The following VPS37C variants were observed in gnomAD, a reference collection of about 807,000 sequenced individuals.
VPS37C encodes vacuolar protein sorting-associated protein 37C.
VPS37C carries 9 observed loss-of-function variants against 16.1 expected under a neutral mutation model. The observed-to-expected ratio is 0.56, with a 90% CI of 0.34 to 0.97. The LOEUF is 0.97. Among genes scored for constraint, VPS37C ranks in the 50% least tolerant of loss-of-function variants. The pLI is 0.02. For missense variants in VPS37C, 479 were observed against 472.7 expected (o/e 1.01, Z -0.12); for synonymous variants, 207 against 206.4 (o/e 1.00, Z -0.02).
chr11:61,158,287 T>C (rs143436865), intron 1 of VPS37C, among the ~76,000 whole-genome samples: 3 of 152,312 alleles, frequency 2.0e-5, no homozygotes, highest in Non-Finnish European at 4.4e-5. Context: ...CAATCAGAAG[T>C]GTCAATGTCC....
chr11:61,151,051 T>G (rs1331562780), intron 1 of VPS37C, among the ~76,000 whole-genome samples: 2 of 152,212 alleles, frequency 1.3e-5, no homozygotes, highest in African/African-American at 4.8e-5. Context: ...GTTCTGTGCC[T>G]GCCCACAGTT....
At chr11:61,133,809 T>C (rs191173711) in intron 3 of VPS37C, among the ~76,000 whole-genome samples, 39 of 152,334 alleles carry the variant, frequency 2.6e-4, no homozygotes, top group Admixed American at 1.8e-3. Flanking sequence ...GCTGTCTCAA[T>C]TCAAATCCCA....
rs1286169596 is a variant in VPS37C, at chr11:61,131,320, G to A, written c.*500C>T. ...GTTCTCTCCCTCCAATCCAACCCCT[G>A]CCACAGTGCATGGGCAGGCTAGCCT... On this transcript the variant is annotated 3_prime_UTR_variant, in exon 5 of 5. Transcript: ENST00000301765. The A allele has an allele frequency of 6.3e-6, 1 of 157,646 alleles. No individual in the cohort carries two copies. Among genetic ancestry groups the A allele is most frequent in the Non-Finnish European group, 1.4e-5 (1 of 72,108 alleles). 9.8% of individuals were successfully genotyped at this position (157,646 alleles called of 1,614,324 possible). A position where few individuals can be genotyped will look rare whatever the true frequency, so the allele number is the denominator to read the frequency against.
intron 1 of VPS37C, among the ~76,000 whole-genome samples, chr11:61,150,757 G>A (rs1395995031): frequency 6.6e-6 from 1 of 151,618 alleles, no homozygotes; most frequent in Non-Finnish European, 1.5e-5. Context: ...CCCTCCCCTG[G>A]TCCCCTCCTC....
intron 3 of VPS37C, among the ~76,000 whole-genome samples, chr11:61,133,688 C>T (rs920356461): frequency 6.6e-6 from 1 of 152,214 alleles, no homozygotes; most frequent in South Asian, 2.1e-4. Context: ...ACCCTCCCAC[C>T]TTCAAAGGTG....
At chr11:61,147,882 T>C (rs1380850681) in intron 1 of VPS37C, among the ~76,000 whole-genome samples, 1 of 152,140 alleles carries the variant, frequency 6.6e-6, no homozygotes, top group Non-Finnish European at 1.5e-5. Context: ...TGTGCAGACA[T>C]GGAATTTGAA....
In VPS37C at chr11:61,132,142, T is replaced by G; in HGVS notation, c.746A>C (p.Gln249Pro). 3 of 1,448,970 alleles carry G rather than the reference T, an allele frequency of 2.1e-6. No individual in the cohort carries two copies. The highest frequency in any genetic ancestry group is 2.7e-6 in the Non-Finnish European group (3 of 1,097,876). The allele number at this position is 1,448,970 out of a possible 1,614,324, so 89.8% of individuals were successfully genotyped here. A position where few individuals can be genotyped will look rare whatever the true frequency, so the allele number is the denominator to read the frequency against. ...GPLGPTYPAA[Q>P]LGPRGAAGYS... ...ACCCGCAGCACCCCTGGGTCCAAGC[T>G]GGGCTGCCGGGTAAGTGGGGCCCAG... Residue 249 changes from glutamine (Q) to proline (P), a missense_variant, in exon 5 of 5, where the codon CAG (glutamine) becomes CCG (proline). Gln to Pro is a moderately conservative substitution (Grantham distance 76). Transcript: ENST00000301765.
chr11:61,144,376 CAG>C (rs921404278), intron 1 of VPS37C: 2 of 152,218 alleles, frequency 1.3e-5, no homozygotes, highest in East Asian at 3.8e-4. Flanking sequence ...TGGGGGAACT[CAG>C]GGGGAGGCAA....
At chr11:61,160,619 A>G (rs1463688138) in intron 1 of VPS37C, among the ~76,000 whole-genome samples, 1 of 152,174 alleles carries the variant, frequency 6.6e-6, no homozygotes, top group Non-Finnish European at 1.5e-5. Flanking sequence ...GTAGCTGGGA[A>G]AGCACTGCCT....
intron 1 of VPS37C, among the ~76,000 whole-genome samples, chr11:61,155,293 G>C (rs1039207598): frequency 6.6e-6 from 1 of 152,022 alleles, no homozygotes; most frequent in Admixed American, 6.6e-5. Flanking sequence ...AGACCAGCCT[G>C]AGCAACATAG....
At chr11:61,138,614 A>T (rs1228199469) in intron 2 of VPS37C, 123 bp downstream of exon 2, 1 of 833,720 alleles carries the variant, frequency 1.2e-6, no homozygotes, top group African/African-American at 1.7e-5. Context: ...AACCAGGATG[A>T]AGTTCACAGA....
At chr11:61,134,595 C>T (rs1438804924) in intron 2 of VPS37C, among the ~76,000 whole-genome samples, 1 of 152,176 alleles carries the variant, frequency 6.6e-6, no homozygotes, top group African/African-American at 2.4e-5. Flanking sequence ...TTACTTATCC[C>T]CAAGCTTCAG....
intron 2 of VPS37C, among the ~76,000 whole-genome samples, chr11:61,136,161 A>ATTTTT (rs34085615): frequency 9.1e-6 from 1 of 109,376 alleles, no homozygotes; most frequent in Non-Finnish European, 1.8e-5. Context: ...TTAATTACAC[A>ATTTTT]TTTTTTTTTT....
intron 1 of VPS37C, among the ~76,000 whole-genome samples, chr11:61,148,609 A>G (rs550145744): frequency 6.6e-6 from 1 of 150,594 alleles, no homozygotes; most frequent in East Asian, 2.0e-4. Flanking sequence ...CAAATCATCA[A>G]GTTCTTCTCA....
Position 61,152,810 on chromosome 11 carries a change from G to A in VPS37C, c.-7+8581C>T, listed in dbSNP as rs145101760. ...AGGAATTCGCAGCACAGGCTTCTCC[G>A]CCTTTGCTCTTGCTCTCCACTCTGC... On this transcript the variant is annotated intron_variant, in intron 1 of 4. Coordinates refer to ENST00000301765, the MANE Select transcript of VPS37C (RefSeq NM_017966.5). 2.2e-3 allele frequency among the ~76,000 whole-genome samples: 333 copies of A among 152,278 alleles called. 2 individuals are homozygous for A. The highest frequency in any genetic ancestry group is 3.7e-3 in the Non-Finnish European group (249 of 68,018).
In VPS37C at chr11:61,161,404, C is replaced by G. The variant is rs934903268; in HGVS notation, c.-20G>C. The G allele has an allele frequency of 1.9e-5, 3 of 154,812 alleles. No homozygotes were observed. Among genetic ancestry groups the G allele is most frequent in the African/African-American group, 7.2e-5 (3 of 41,454 alleles). The allele number at this position is 154,812 out of a possible 1,614,324, so 9.6% of individuals were successfully genotyped here. ...GTCTCCGCTCACCTGCCAGGGCCGC[C>G]GTCGCCGCCGCCACCGCGGGTTAAA... On this transcript the variant is annotated 5_prime_UTR_variant, in exon 1 of 5. Transcript: ENST00000301765.
At chr11:61,145,497 C>A (rs1158481228) in intron 1 of VPS37C, 11 of 152,512 alleles carry the variant, frequency 7.2e-5, no homozygotes, top group Non-Finnish European at 1.5e-4. Flanking sequence ...TCACCCACCC[C>A]TGGAAATGAC....
Position 61,132,237 on chromosome 11 carries a change from G to A in VPS37C, c.651C>T (p.Pro217=). 6.6e-7 allele frequency: 1 copy of A among 1,518,882 alleles called. No individual in the cohort carries two copies. Among genetic ancestry groups the A allele is most frequent in the Non-Finnish European group, 8.8e-7 (1 of 1,133,108 alleles). 94.1% of individuals were successfully genotyped at this position (1,518,882 alleles called of 1,614,324 possible). A position where few individuals can be genotyped will look rare whatever the true frequency, so the allele number is the denominator to read the frequency against. Residue 217 remains proline (P), a synonymous_variant, in exon 5 of 5, where the codon CCC becomes CCT. Transcript: ENST00000301765. ...YSPSPSLPVG[P]TAHGALPPAP... is the part of the protein sequence containing the mutation. ...CCGGTGGCAGGGCTCCATGGGCAGTGGGGCCCACAGGCAGGCTGGGGGATG... is the reference window on the plus strand; with the variant it reads ...CCGGTGGCAGGGCTCCATGGGCAGTAGGGCCCACAGGCAGGCTGGGGGATG...
intron 1 of VPS37C, among the ~76,000 whole-genome samples, chr11:61,157,686 A>C (rs1853400300): frequency 6.6e-6 from 1 of 152,230 alleles, no homozygotes; most frequent in African/African-American, 2.4e-5. Context: ...ATATCAGACA[A>C]AGTAGATTTC....
Sources: allele counts gnomAD v4.1 joint callset (sites outside exome capture counted in the v4.1 genomes callset), GRCh38; gene constraint gnomAD v4.1.1; transcripts MANE v1.5; gene names NCBI Gene and HGNC (gene_info 2026-07-23, HGNC 2026-07-21).